The following ANKS1B variants were observed in gnomAD, a reference collection of about 807,000 sequenced individuals.
ANKS1B encodes the protein ankyrin repeat and sterile alpha motif domain-containing protein 1B.
Under a neutral mutation model 148.3 loss-of-function variants are expected in ANKS1B, and 36 were observed. That is an observed-to-expected ratio of 0.24 (90% CI 0.19 to 0.32). The LOEUF (loss-of-function observed/expected upper bound fraction) is 0.32, where lower values mean the gene tolerates loss of function less well. Among genes scored for constraint, ANKS1B ranks in the 10% least tolerant of loss-of-function variants. The pLI is 1.00. For missense variants in ANKS1B, 1,157 were observed against 1,542.6 expected (o/e 0.75, Z 4.19); for synonymous variants, 542 against 560.8 (o/e 0.97, Z 0.47).
chr12:98,838,701 G>A (rs771511870), intron 17 of ANKS1B, among the ~76,000 whole-genome samples: 1 of 152,174 alleles, frequency 6.6e-6, no homozygotes, highest in Non-Finnish European at 1.5e-5. Context: ...CTAGATACTT[G>A]GCCAACTAAA....
At position 98,845,790 on chromosome 12, in the gene ANKS1B, A is replaced by T. The variant is rs575014547; in HGVS notation, c.2779-13654T>A. On this transcript the variant is annotated intron_variant, in intron 17 of 26. Coordinates refer to ENST00000683438, the MANE Select transcript of ANKS1B (RefSeq NM_001352186.2). The stretch of plus-strand genomic sequence containing the variant: ...TAGTGGTTCAATGCTGCGTATTAAC[A>T]TGACAAAAACCTCTATTACCTTTAG... Among the ~76,000 whole-genome samples the T allele has an allele frequency of 3.3e-5, 5 of 152,014 alleles. No individual in the cohort carries two copies. In the South Asian group the frequency reaches 1.0e-3, roughly 32 times the overall value.
intron 11 of ANKS1B, among the ~76,000 whole-genome samples, chr12:99,434,222 G>A (rs865916256): frequency 2.1e-4 from 32 of 152,196 alleles, no homozygotes; most frequent in South Asian, 1.7e-3. Flanking sequence ...GTGACCTAAA[G>A]GGAAGGATAG....
In ANKS1B at chr12:99,910,406, A is replaced by C. The variant is rs116532487; in HGVS notation, c.134+73698T>G. On this transcript the variant is annotated intron_variant, in intron 1 of 26. Coordinates refer to ENST00000683438, the MANE Select transcript of ANKS1B (RefSeq NM_001352186.2). ...GAATAAAGTACAGATACATGCAATA[A>C]CATGGGTGAATTCTGAAAACATGCT... Among the ~76,000 whole-genome samples, 594 of 152,078 alleles carry C rather than the reference A, an allele frequency of 3.9e-3. 4 individuals are homozygous for C. Among genetic ancestry groups the C allele is most frequent in the African/African-American group, 0.014 (560 of 41,474 alleles).
At chr12:99,108,992 C>T (rs181211816) in intron 15 of ANKS1B, among the ~76,000 whole-genome samples, 186 of 152,240 alleles carry the variant, frequency 1.2e-3, no homozygotes, top group African/African-American at 4.3e-3. Context: ...TAGCTGTCAT[C>T]GAGCAGCAAA....
At chr12:99,884,299 T>G (rs2153741883) in intron 1 of ANKS1B, among the ~76,000 whole-genome samples, 1 of 152,268 alleles carries the variant, frequency 6.6e-6, no homozygotes, top group South Asian at 2.1e-4. Context: ...TCTGAAACAT[T>G]GCTGATGGGA....
At position 99,207,017 on chromosome 12, in the gene ANKS1B, C is replaced by G. The variant is rs10745847; in HGVS notation, c.2419+37325G>C. Among the ~76,000 whole-genome samples, 602 of 152,170 alleles carry G rather than the reference C, an allele frequency of 4.0e-3. 3 individuals carry two copies. Among genetic ancestry groups the G allele is most frequent in the Non-Finnish European group, 6.2e-3 (424 of 68,004 alleles). On this transcript the variant is annotated intron_variant, in intron 14 of 26. Transcript: ENST00000683438. ...TGGACTCTTAGAAGAATGATGGTTA[C>G]GACAAGGTCTGTCTGGATTTGTAGA...
chr12:99,336,985 C>T lies in ANKS1B; in HGVS notation c.1756+62646G>A, dbSNP rs576570948. Among the ~76,000 whole-genome samples the T allele has an allele frequency of 4.6e-5, 7 of 152,180 alleles. No individual in the cohort carries two copies. The South Asian group carries it at 1.2e-3, about 27-fold the overall frequency. On this transcript the variant is annotated intron_variant, in intron 12 of 26. Transcript: ENST00000683438. ...TGGTTATTAAGTGTCTTGAGGTAGA[C>T]TTATTTGAATTGAATCTGCTTGGTA...
intron 17 of ANKS1B, among the ~76,000 whole-genome samples, chr12:99,004,210 G>A (rs974708341): frequency 8.5e-5 from 13 of 152,126 alleles, no homozygotes; most frequent in Non-Finnish European, 1.8e-4. Context: ...TGTTATATGA[G>A]AGAAATAAAT....
rs150885624 is a variant in ANKS1B at position 99,940,171 on chromosome 12, G to C, written c.134+43933C>G. On this transcript the variant is annotated intron_variant, in intron 1 of 26. Coordinates refer to ENST00000683438, the MANE Select transcript of ANKS1B (RefSeq NM_001352186.2). ...TAAGTAAAGCTTGATTATACGCCCA[G>C]AGATGAGCATGCAAAGTATAGCCTA... Among the ~76,000 whole-genome samples the C allele has an allele frequency of 6.9e-3, 1,052 of 152,246 alleles. 5 individuals carry two copies. Among genetic ancestry groups the C allele is most frequent in the South Asian group, 7.7e-3 (37 of 4,826 alleles).
At chr12:99,090,338 T>C (rs929963404) in intron 15 of ANKS1B, among the ~76,000 whole-genome samples, 1 of 152,124 alleles carries the variant, frequency 6.6e-6, no homozygotes, top group Non-Finnish European at 1.5e-5. Context: ...TTGTAGAAAA[T>C]GTTAGGAAAA....
chr12:99,247,268 G>A (rs1447988927), intron 12 of ANKS1B, among the ~76,000 whole-genome samples: 1 of 152,064 alleles, frequency 6.6e-6, no homozygotes, highest in Non-Finnish European at 1.5e-5. Flanking sequence ...ACACTAGGCA[G>A]GTAAGTCAAG....
At chr12:99,421,835 A>G (rs1174538143) in intron 11 of ANKS1B, among the ~76,000 whole-genome samples, 1 of 152,116 alleles carries the variant, frequency 6.6e-6, no homozygotes, top group Non-Finnish European at 1.5e-5. Flanking sequence ...GACTGGGTCA[A>G]TGGGGCAAAT....
intron 14 of ANKS1B, among the ~76,000 whole-genome samples, chr12:99,167,297 A>G (rs574050813): frequency 2.0e-5 from 3 of 152,260 alleles, no homozygotes; most frequent in African/African-American, 7.2e-5. Context: ...AGAGAATGAA[A>G]AACAAAATGC....
intron 9 of ANKS1B, among the ~76,000 whole-genome samples, chr12:99,571,925 T>TAAAC (rs995441028): frequency 6.6e-6 from 1 of 152,008 alleles, no homozygotes; most frequent in African/African-American, 2.4e-5. Flanking sequence ...ACCCCCCAAA[T>TAAAC]AAACAAACAA....
intron 1 of ANKS1B, among the ~76,000 whole-genome samples, chr12:99,908,609 T>C (rs2093881235): frequency 6.6e-6 from 1 of 152,072 alleles, no homozygotes; most frequent in African/African-American, 2.4e-5. Context: ...TTAATTAAGA[T>C]GTGATTCAAT....
At chr12:99,670,961 T>G (rs189051120) in intron 8 of ANKS1B, among the ~76,000 whole-genome samples, 189 of 152,238 alleles carry the variant, frequency 1.2e-3, no homozygotes, top group African/African-American at 3.9e-3. Context: ...AGTTCAACAT[T>G]AGTCAAGGCA....
intron 1 of ANKS1B, among the ~76,000 whole-genome samples, chr12:99,983,241 C>A (rs1345264331): frequency 2.0e-5 from 3 of 152,186 alleles, no homozygotes; most frequent in African/African-American, 7.2e-5. Flanking sequence ...CAGGCTTCCT[C>A]CCTCCCAGTT....
chr12:99,112,865 T>C (rs2060576832), intron 15 of ANKS1B, among the ~76,000 whole-genome samples: 2 of 152,220 alleles, frequency 1.3e-5, no homozygotes, highest in African/African-American at 4.8e-5. Flanking sequence ...CATTCATTAA[T>C]TCATCAAACA....
intron 12 of ANKS1B, among the ~76,000 whole-genome samples, chr12:99,351,013 T>C (rs2091352473): frequency 6.6e-6 from 1 of 152,138 alleles, no homozygotes; most frequent in African/African-American, 2.4e-5. Flanking sequence ...CTTATAGTAA[T>C]CTAGGTTTAT....
Sources: allele counts gnomAD v4.1 joint callset (sites outside exome capture counted in the v4.1 genomes callset), GRCh38; gene constraint gnomAD v4.1.1; transcripts MANE v1.5; gene names NCBI Gene and HGNC (gene_info 2026-07-23, HGNC 2026-07-21).